Variants in ZCCHC7 observed in about 807,000 individuals in gnomAD.
The protein encoded by ZCCHC7 is zinc finger CCHC domain-containing protein 7.
Under a neutral mutation model 52.0 loss-of-function variants are expected in ZCCHC7, and 35 were observed. The ratio of observed to expected loss-of-function variants is 0.67; its 90% confidence interval spans 0.51 to 0.89. The LOEUF is 0.89. ZCCHC7 is among the 40% of genes least tolerant of loss of function. ZCCHC7 has a pLI of 0.00. For synonymous variants in ZCCHC7, 217 were observed against 221.5 expected, an observed-to-expected ratio of 0.98 and a Z score of 0.18; for missense variants, 574 against 649.1, an observed-to-expected ratio of 0.88 and a Z score of 1.26.
At chr9:37,326,413 G>A (rs1830240965) in intron 5 of ZCCHC7, among the ~76,000 whole-genome samples, 2 of 151,362 alleles carry the variant, frequency 1.3e-5, no homozygotes, top group Admixed American at 1.3e-4. Flanking sequence ...AGACACTTTA[G>A]TTTCCAGGAA....
chr9:37,349,333 C>A, intron 6 of ZCCHC7, 24 bp from the exon 7 acceptor site: 1 of 1,608,664 alleles, frequency 6.2e-7, no homozygotes, highest in Non-Finnish European at 8.5e-7. Context: ...CATCAACAAA[C>A]CCTCACAAAT....
rs144736950 is a variant in ZCCHC7, at chr9:37,272,117, G to A, written c.611-30071G>A. Among the ~76,000 whole-genome samples the A allele has an allele frequency of 4.6e-5, 7 of 152,268 alleles. 1 individual carries two copies. Among genetic ancestry groups the A allele is most frequent in the African/African-American group, 1.7e-4 (7 of 41,566 alleles). On this transcript the variant is annotated intron_variant, in intron 2 of 8. Coordinates refer to ENST00000336755, the MANE Select transcript of ZCCHC7 (RefSeq NM_032226.3). Reference sequence around the variant, plus strand: ...CACACAGACATTATACAGAGGGGAAGTGTCATTAATGATTTTATCTACTAT... The same window carrying A: ...CACACAGACATTATACAGAGGGGAAATGTCATTAATGATTTTATCTACTAT...
intron 2 of ZCCHC7, among the ~76,000 whole-genome samples, chr9:37,219,363 C>CA (rs1009234425): frequency 6.6e-6 from 1 of 152,108 alleles, no homozygotes; most frequent in Non-Finnish European, 1.5e-5. Flanking sequence ...AGCACTTTGC[C>CA]AAAAAAGTTT....
intron 2 of ZCCHC7, among the ~76,000 whole-genome samples, chr9:37,198,679 A>G (rs1823418868): frequency 6.6e-6 from 1 of 152,324 alleles, no homozygotes; most frequent in South Asian, 2.1e-4. Context: ...TTCAAGTGGG[A>G]GGTCCTAATG....
chr9:37,327,382 A>G (rs2118158963), intron 5 of ZCCHC7: 1 of 158,838 alleles, frequency 6.3e-6, no homozygotes, highest in African/African-American at 2.4e-5. Flanking sequence ...ATAACAGTGA[A>G]GTCTTCTTAA....
chr9:37,141,084 T>G (rs1843202185), intron 2 of ZCCHC7, among the ~76,000 whole-genome samples: 1 of 151,944 alleles, frequency 6.6e-6, no homozygotes, highest in Admixed American at 6.6e-5. Context: ...CAAAAGATCT[T>G]TAGTAGTATA....
chr9:37,208,382 G>A (rs964740725), intron 2 of ZCCHC7, among the ~76,000 whole-genome samples: 5 of 152,072 alleles, frequency 3.3e-5, no homozygotes, highest in South Asian at 2.1e-4. Flanking sequence ...CACCACTCCC[G>A]GCCTATTAAA....
chr9:37,163,751 G>A (rs1821248426), intron 2 of ZCCHC7, among the ~76,000 whole-genome samples: 1 of 152,102 alleles, frequency 6.6e-6, no homozygotes, highest in Non-Finnish European at 1.5e-5. Context: ...AAAAATCTTT[G>A]CCTAACTAAA....
chr9:37,314,175 A>G (rs924449464), intron 5 of ZCCHC7, among the ~76,000 whole-genome samples: 1 of 152,186 alleles, frequency 6.6e-6, no homozygotes, highest in Non-Finnish European at 1.5e-5. Flanking sequence ...GATAATTCCC[A>G]TTCTGCAGAC....
intron 2 of ZCCHC7, among the ~76,000 whole-genome samples, chr9:37,288,368 C>G (rs1828364632): frequency 7.2e-6 from 1 of 138,602 alleles, no homozygotes; most frequent in African/African-American, 2.7e-5. Context: ...TTTTCTGGAG[C>G]TAAATTGAAA....
At chr9:37,284,865 G>T (rs544152727) in intron 2 of ZCCHC7, among the ~76,000 whole-genome samples, 1 of 152,262 alleles carries the variant, frequency 6.6e-6, no homozygotes, top group African/African-American at 2.4e-5. Context: ...TGGAGTGTAG[G>T]TTAGTATGTA....
intron 2 of ZCCHC7, among the ~76,000 whole-genome samples, chr9:37,291,748 C>T (rs928220274): frequency 1.3e-5 from 2 of 152,100 alleles, no homozygotes; most frequent in African/African-American, 4.8e-5. Context: ...GGCTGGAGTG[C>T]AATGGTGCAA....
At chr9:37,121,185 A>G (rs570682894) in intron 1 of ZCCHC7, among the ~76,000 whole-genome samples, 1 of 152,306 alleles carries the variant, frequency 6.6e-6, no homozygotes, top group South Asian at 2.1e-4. Flanking sequence ...GTTGCCTTCA[A>G]CTTTTGGGAA....
rs1461567187 is a variant in ZCCHC7 at position 37,134,065 on chromosome 9, ACC to A, written c.610+7124_610+7125del. Reference sequence around the variant, plus strand: ...ATATATGTATATATTTAATCATATTACCATAGGTAAACAAATTCCCGGTAATT... The same window carrying A: ...ATATATGTATATATTTAATCATATTAATAGGTAAACAAATTCCCGGTAATT... On this transcript the variant is annotated intron_variant, in intron 2 of 8. Transcript: ENST00000336755. Among the ~76,000 whole-genome samples, 4 of 152,248 alleles carry A rather than the reference ACC, an allele frequency of 2.6e-5. No homozygotes were observed. In the East Asian group the frequency reaches 7.7e-4, roughly 29 times the overall value.
chr9:37,184,223 AC>A (rs1381292029), intron 2 of ZCCHC7, among the ~76,000 whole-genome samples: 16 of 152,212 alleles, frequency 1.1e-4, no homozygotes, highest in African/African-American at 3.6e-4. Context: ...TTATGGAGCA[AC>A]GTAATATGTG....
intron 2 of ZCCHC7, among the ~76,000 whole-genome samples, chr9:37,253,495 A>G (rs1333934585): frequency 1.3e-5 from 2 of 152,046 alleles, no homozygotes; most frequent in African/African-American, 4.8e-5. Flanking sequence ...TATGTACATG[A>G]TACAGATGTG....
chr9:37,207,685 A>G (rs943262177), intron 2 of ZCCHC7, among the ~76,000 whole-genome samples: 2 of 151,860 alleles, frequency 1.3e-5, no homozygotes, highest in African/African-American at 4.8e-5. Context: ...GATAATTTTT[A>G]CTGATCTATG....
At chr9:37,148,138 A>G (rs1843523252) in intron 2 of ZCCHC7, among the ~76,000 whole-genome samples, 1 of 152,172 alleles carries the variant, frequency 6.6e-6, no homozygotes, top group African/African-American at 2.4e-5. Context: ...CTGATTGGGA[A>G]CAAAGGCATA....
At chr9:37,229,499 TGTACTAA>T (rs1445775583) in intron 2 of ZCCHC7, among the ~76,000 whole-genome samples, 2 of 152,230 alleles carry the variant, frequency 1.3e-5, no homozygotes, top group African/African-American at 4.8e-5. Context: ...GGCATGTTAT[TGTACTAA>T]ATACTGTAGG....
Sources: gnomAD v4.1 joint callset for allele counts (sites outside exome capture counted in the v4.1 genomes callset) on GRCh38, gnomAD v4.1.1 for gene constraint, MANE v1.5 for transcripts, NCBI Gene and HGNC (gene_info 2026-07-23, HGNC 2026-07-21) for gene names.